The following PARD3B variants were observed in gnomAD, a reference collection of about 807,000 sequenced individuals.
PARD3B encodes the protein par-3 family cell polarity regulator beta.
A neutral mutation model predicts 130.2 loss-of-function variants in PARD3B; 103 were observed. The ratio of observed to expected loss-of-function variants is 0.79; its 90% CI spans 0.67 to 0.93. The LOEUF is 0.93. Ranked by LOEUF, PARD3B falls within the 40% of genes least tolerant of loss-of-function variation. The probability of loss-of-function intolerance (pLI) is 0.00; values close to 1 mark genes in which losing one functional copy is unlikely to be tolerated. For synonymous variants in PARD3B, 583 were observed against 553.2 expected (o/e 1.05, Z -0.76); for missense variants, 1,609 against 1,499.2 (o/e 1.07, Z -1.21).
chr2:205,275,837 C>CTA (rs2040924403), intron 16 of PARD3B, among the ~76,000 whole-genome samples: 1 of 60,650 alleles, frequency 1.6e-5, no homozygotes, highest in Non-Finnish European at 3.1e-5. Context: ...AACTTTGTCT[C>CTA]AAAAAAAAAA....
At chr2:205,493,840 C>T (rs1230039471) in intron 20 of PARD3B, among the ~76,000 whole-genome samples, 2 of 151,984 alleles carry the variant, frequency 1.3e-5, no homozygotes, top group African/African-American at 4.8e-5. Flanking sequence ...TCACTGCAAC[C>T]TCTGCCTCCT....
chr2:204,974,322 C>T (rs236835), intron 3 of PARD3B, among the ~76,000 whole-genome samples: 99,092 of 151,980 alleles, frequency 0.65, 33,579 homozygotes, highest in African/African-American at 0.82. Context: ...TTGTAGAATA[C>T]GGTGTGATCG....
At chr2:204,547,860 T>C (rs2030106646) in intron 1 of PARD3B, among the ~76,000 whole-genome samples, 1 of 152,166 alleles carries the variant, frequency 6.6e-6, no homozygotes, top group African/African-American at 2.4e-5. Context: ...GGTGTTAAAA[T>C]ATTGACATTC....
At chr2:205,594,947 T>C (rs1268750429) in intron 22 of PARD3B, among the ~76,000 whole-genome samples, 1 of 152,230 alleles carries the variant, frequency 6.6e-6, no homozygotes, top group East Asian at 1.9e-4. Context: ...TTTTTATTTT[T>C]TAAAGACTGA....
chr2:204,897,124 A>C (rs2046667053), intron 2 of PARD3B, among the ~76,000 whole-genome samples: 1 of 152,144 alleles, frequency 6.6e-6, no homozygotes, highest in African/African-American at 2.4e-5. Flanking sequence ...ATTAATTTAT[A>C]AGGTCTTCAC....
intron 2 of PARD3B, among the ~76,000 whole-genome samples, chr2:204,938,965 C>A (rs1444535922): frequency 6.6e-6 from 1 of 152,140 alleles, no homozygotes; most frequent in Non-Finnish European, 1.5e-5. Context: ...CAGAAAAATA[C>A]AAAACATCAC....
Position 205,125,990 on chromosome 2 carries a change from A to G in PARD3B, c.1434+253A>G, listed in dbSNP as rs2031345768. 6.6e-6 allele frequency among the ~76,000 whole-genome samples: 1 copy of G among 152,238 alleles called. No homozygotes were observed. The highest frequency in any genetic ancestry group is 2.1e-4 in the South Asian group (1 of 4,836). On this transcript the variant is annotated intron_variant, in intron 10 of 22. Transcript: ENST00000406610. The surrounding 1 kb of genome is among the most constrained non-coding windows in gnomAD (Gnocchi z 4.0). The stretch of plus-strand genomic sequence containing the variant: ...TAGCAATAAGCAACTATTCAACAGT[A>G]TGCAACTAATTCAATAAAATATATA...
intron 1 of PARD3B, among the ~76,000 whole-genome samples, chr2:204,607,003 G>A (rs2033746905): frequency 6.6e-6 from 1 of 152,078 alleles, no homozygotes; most frequent in African/African-American, 2.4e-5. Flanking sequence ...AGTACATACT[G>A]GTTAGCAAGA....
intron 21 of PARD3B, among the ~76,000 whole-genome samples, chr2:205,542,144 CAAAAAAAAAAAAAAAAA>C (rs71032484): frequency 4.7e-4 from 18 of 38,068 alleles, no homozygotes; most frequent in African/African-American, 5.4e-4. Context: ...ACTCCGTCTC[CAAAAAAAAAAAAAAAAA>C]AAAAAAAAAA....
chr2:204,573,300 G>A (rs187314937), intron 1 of PARD3B, among the ~76,000 whole-genome samples: 2 of 152,298 alleles, frequency 1.3e-5, no homozygotes, highest in South Asian at 2.1e-4. Context: ...GATAACCATA[G>A]CAATATGGTA....
At position 205,616,441 on chromosome 2, in the gene PARD3B, C is replaced by T. The variant is rs1205075060; in HGVS notation, c.*628C>T. The T allele has an allele frequency of 6.6e-6, 1 of 152,170 alleles. No homozygotes were observed. The highest frequency in any genetic ancestry group is 2.4e-5 in the African/African-American group (1 of 41,438). The allele number at this position is 152,170 out of a possible 1,614,324, so 9.4% of individuals were successfully genotyped here. ...TGTAGAATTTATCAGGTTTCTGATA[C>T]CACTCATTGGATGTAAACATTTCAT... On this transcript the variant is annotated 3_prime_UTR_variant, in exon 23 of 23. Coordinates refer to ENST00000406610, the MANE Select transcript of PARD3B (RefSeq NM_001302769.2).
intron 1 of PARD3B, among the ~76,000 whole-genome samples, chr2:204,607,412 G>T (rs1444913705): frequency 6.6e-6 from 1 of 152,064 alleles, no homozygotes; most frequent in Non-Finnish European, 1.5e-5. Flanking sequence ...ATTAGAGAAG[G>T]CAAATAGAGG....
intron 21 of PARD3B, among the ~76,000 whole-genome samples, chr2:205,511,445 A>G (rs918671810): frequency 6.6e-5 from 10 of 152,224 alleles, no homozygotes; most frequent in Admixed American, 5.2e-4. Flanking sequence ...CGAGTTTAGA[A>G]TAGGTTAACT....
intron 1 of PARD3B, among the ~76,000 whole-genome samples, chr2:204,599,529 T>C (rs2033425122): frequency 6.6e-6 from 1 of 152,064 alleles, no homozygotes; most frequent in African/African-American, 2.4e-5. Flanking sequence ...TTATCCTTTT[T>C]TATGGCTTAA....
At chr2:205,360,094 C>G (rs369643394) in intron 18 of PARD3B, among the ~76,000 whole-genome samples, 1 of 152,180 alleles carries the variant, frequency 6.6e-6, no homozygotes, top group African/African-American at 2.4e-5. Context: ...TGATTTTTGT[C>G]ATTTGAATGC....
intron 2 of PARD3B, among the ~76,000 whole-genome samples, chr2:204,891,473 T>G (rs2046443666): frequency 6.6e-6 from 1 of 152,340 alleles, no homozygotes; most frequent in South Asian, 2.1e-4. Flanking sequence ...ATTTATTTTA[T>G]GCCAAGTGCC....
chr2:204,746,979 T>TCA (rs1163577674), intron 2 of PARD3B, among the ~76,000 whole-genome samples: 1 of 152,210 alleles, frequency 6.6e-6, no homozygotes, highest in East Asian at 1.9e-4. Flanking sequence ...CTCTTTAGTT[T>TCA]AATTAGATCC....
intron 18 of PARD3B, among the ~76,000 whole-genome samples, chr2:205,395,346 T>C (rs1043375369): frequency 6.6e-6 from 1 of 152,210 alleles, no homozygotes; most frequent in Non-Finnish European, 1.5e-5. Flanking sequence ...CCTCACCTCG[T>C]TGGGCATCTC....
intron 19 of PARD3B, among the ~76,000 whole-genome samples, chr2:205,424,704 G>T (rs1390748227): frequency 6.6e-6 from 1 of 152,124 alleles, no homozygotes; most frequent in East Asian, 1.9e-4. Flanking sequence ...TCTTCAGGAA[G>T]TTTATGTAGC....
Sources: allele counts gnomAD v4.1 joint callset (sites outside exome capture counted in the v4.1 genomes callset), GRCh38; gene constraint gnomAD v4.1.1; non-coding constraint Gnocchi (gnomAD v3.1); transcripts MANE v1.5; gene names NCBI Gene and HGNC (gene_info 2026-07-23, HGNC 2026-07-21).